CHN1: variants seen among roughly 807,000 people sequenced by gnomAD.
The protein encoded by CHN1 is N-chimaerin.
In CHN1, 37 loss-of-function variants were observed where a neutral mutation model predicts 59.5. The observed-to-expected ratio is 0.62, with a 90% confidence interval of 0.48 to 0.82. The LOEUF is 0.82. CHN1 is among the 40% of genes least tolerant of loss of function. The pLI, the probability that CHN1 is intolerant of heterozygous loss-of-function variation, is 0.00. For synonymous variants in CHN1, 206 were observed against 200.4 expected (o/e 1.03, Z -0.24); for missense variants, 469 against 571.0 (o/e 0.82, Z 1.82).
intron 1 of CHN1, among the ~76,000 whole-genome samples, chr2:174,997,022 A>G (rs1389177934): frequency 2.0e-5 from 3 of 152,142 alleles, no homozygotes; most frequent in African/African-American, 7.2e-5. Context: ...AGCATTTGCC[A>G]CCTGGCACAT....
At chr2:174,976,201 GC>G (rs1301230115) in intron 1 of CHN1, among the ~76,000 whole-genome samples, 2 of 145,470 alleles carry the variant, frequency 1.4e-5, no homozygotes, top group African/African-American at 5.1e-5. Flanking sequence ...TAAAATTTCT[GC>G]CATGTTATGT....
At chr2:174,898,870 T>C (rs1688298987) in intron 5 of CHN1, among the ~76,000 whole-genome samples, 1 of 152,338 alleles carries the variant, frequency 6.6e-6, no homozygotes, top group East Asian at 1.9e-4. Flanking sequence ...AAACAGGAAG[T>C]CCCTAAAATA....
intron 5 of CHN1, among the ~76,000 whole-genome samples, chr2:174,908,051 C>T (rs745991286): frequency 1.6e-4 from 25 of 152,156 alleles, no homozygotes; most frequent in Non-Finnish European, 2.6e-4. Context: ...ATAAGGCATT[C>T]TCTGGAATAT....
intron 1 of CHN1, among the ~76,000 whole-genome samples, chr2:175,003,473 C>T (rs1247133206): frequency 3.3e-5 from 5 of 152,018 alleles, no homozygotes; most frequent in Admixed American, 3.3e-4. Flanking sequence ...GTCAGGAATG[C>T]GAGTATTTGA....
chr2:174,904,994 T>C (rs1010102224), intron 5 of CHN1, among the ~76,000 whole-genome samples: 1 of 152,158 alleles, frequency 6.6e-6, no homozygotes, highest in Non-Finnish European at 1.5e-5. Context: ...CATTATCACC[T>C]TGTATGGGTG....
chr2:174,853,229 C>T (rs1686795304), intron 6 of CHN1, among the ~76,000 whole-genome samples: 1 of 151,972 alleles, frequency 6.6e-6, no homozygotes, highest in Admixed American at 6.6e-5. Context: ...CTATAACAAT[C>T]TATAACAAAC....
chr2:174,815,286 G>A (rs1685208435), intron 8 of CHN1, among the ~76,000 whole-genome samples: 3 of 152,190 alleles, frequency 2.0e-5, no homozygotes, highest in Middle Eastern at 3.4e-3. Flanking sequence ...CTTGTGGTGG[G>A]AGGATTGCCT....
intron 7 of CHN1, 75 bp downstream of exon 7, chr2:174,846,805 C>G: frequency 7.6e-7 from 1 of 1,318,352 alleles, no homozygotes; most frequent in Non-Finnish European, 1.0e-6. Context: ...TTTAAAAAGA[C>G]ATAAGATATT....
intron 5 of CHN1, 77 bp from the exon 6 acceptor site, chr2:174,878,205 A>T: frequency 7.6e-7 from 1 of 1,315,310 alleles, no homozygotes; most frequent in East Asian, 2.4e-5. Context: ...AACAAAAACA[A>T]AAAAAAACTA....
chr2:174,894,527 G>C (rs909010414), intron 5 of CHN1, among the ~76,000 whole-genome samples: 6 of 152,086 alleles, frequency 3.9e-5, no homozygotes, highest in Admixed American at 3.3e-4. Context: ...GGTGAGACTG[G>C]AAAACGGTGA....
intron 3 of CHN1, chr2:174,921,011 T>C (rs1452494068): frequency 2.4e-6 from 1 of 416,638 alleles, no homozygotes; most frequent in Non-Finnish European, 5.0e-6. Context: ...CACAATAGGG[T>C]TCGCGTTCCC....
intron 1 of CHN1, among the ~76,000 whole-genome samples, chr2:174,974,580 CAATT>C (rs1460325096): frequency 2.6e-5 from 4 of 152,080 alleles, no homozygotes; most frequent in African/African-American, 9.7e-5. Flanking sequence ...TCACAAGTGA[CAATT>C]AGATCAAATT....
At chr2:174,899,483 A>G (rs926650520) in intron 5 of CHN1, among the ~76,000 whole-genome samples, 2 of 152,220 alleles carry the variant, frequency 1.3e-5, no homozygotes, top group African/African-American at 4.8e-5. Flanking sequence ...AGCCAAATCT[A>G]GGCCACTGCC....
At chr2:174,829,861 G>C (rs1254159675) in intron 7 of CHN1, among the ~76,000 whole-genome samples, 3 of 152,136 alleles carry the variant, frequency 2.0e-5, no homozygotes, top group African/African-American at 7.2e-5. Context: ...GGTCAGGAAA[G>C]TTTTTTCTTC....
At chr2:174,856,934 T>C (rs1256738271) in intron 6 of CHN1, among the ~76,000 whole-genome samples, 2 of 152,134 alleles carry the variant, frequency 1.3e-5, no homozygotes, top group African/African-American at 2.4e-5. Context: ...CCCAATCAAG[T>C]AGGCTCAGAA....
chr2:174,932,651 G>A (rs774294347), intron 3 of CHN1, among the ~76,000 whole-genome samples: 2 of 152,184 alleles, frequency 1.3e-5, no homozygotes, highest in African/African-American at 2.4e-5. Flanking sequence ...GTGGGGACTG[G>A]TGGGAGGTGA....
chr2:174,824,988 T>C (rs1685638176), intron 7 of CHN1, among the ~76,000 whole-genome samples: 1 of 152,226 alleles, frequency 6.6e-6, no homozygotes, highest in South Asian at 2.1e-4. Flanking sequence ...AGTTAACATT[T>C]TTTTCAGAGC....
intron 11 of CHN1, among the ~76,000 whole-genome samples, chr2:174,804,929 C>T (rs1684841025): frequency 6.6e-6 from 1 of 152,222 alleles, no homozygotes; most frequent in Non-Finnish European, 1.5e-5. Flanking sequence ...ATACTGAGAT[C>T]AAATTGGCAG....
At chr2:174,820,216 T>C (rs1685437222) in intron 8 of CHN1, among the ~76,000 whole-genome samples, 2 of 152,170 alleles carry the variant, frequency 1.3e-5, no homozygotes, top group Admixed American at 6.5e-5. Flanking sequence ...ATGGTATTTC[T>C]AGTTCTAGAT....
Sources: allele counts gnomAD v4.1 joint callset (sites outside exome capture counted in the v4.1 genomes callset), GRCh38; gene constraint gnomAD v4.1.1; transcripts MANE v1.5; gene names NCBI Gene and HGNC (gene_info 2026-07-23, HGNC 2026-07-21).